Variants in NUBPL observed in about 807,000 individuals in gnomAD.
The protein encoded by NUBPL is NUBP iron-sulfur cluster assembly factor, mitochondrial.
Under a neutral mutation model 45.7 loss-of-function variants are expected in NUBPL, and 31 were observed. That is an observed-to-expected ratio of 0.68 (90% CI 0.51 to 0.92). The LOEUF is 0.92. Among genes scored for constraint, NUBPL ranks in the 40% least tolerant of loss-of-function variants. The pLI, the probability that NUBPL is intolerant of heterozygous loss-of-function variation, is 0.00. For missense variants in NUBPL, 401 were observed against 398.7 expected (o/e 1.01, Z -0.05); for synonymous variants, 144 against 140.9 (o/e 1.02, Z -0.15).
At chr14:31,703,697 C>T (rs1173709432) in intron 6 of NUBPL, among the ~76,000 whole-genome samples, 2 of 152,234 alleles carry the variant, frequency 1.3e-5, no homozygotes, top group African/African-American at 2.4e-5. Flanking sequence ...TTATCTCCCA[C>T]TGGGTCTCTC....
intron 6 of NUBPL, among the ~76,000 whole-genome samples, chr14:31,717,034 C>G (rs77752623): frequency 6.6e-6 from 1 of 152,190 alleles, no homozygotes; most frequent in Non-Finnish European, 1.5e-5. Flanking sequence ...ACTAATCTTA[C>G]TAAAATTCAG....
At chr14:31,604,417 A>G (rs2034528861) in intron 4 of NUBPL, among the ~76,000 whole-genome samples, 1 of 152,184 alleles carries the variant, frequency 6.6e-6, no homozygotes, top group Admixed American at 6.5e-5. Context: ...ACACAATACA[A>G]TACAAAATTA....
At chr14:31,813,856 A>G (rs111703675) in intron 7 of NUBPL, among the ~76,000 whole-genome samples, 11,620 of 152,236 alleles carry the variant, frequency 0.076, 494 homozygotes, top group Non-Finnish European at 0.092. Context: ...CCCTACAAAG[A>G]ACATGAACTC....
At chr14:31,831,506 A>T (rs1474577573) in intron 8 of NUBPL, among the ~76,000 whole-genome samples, 1 of 151,776 alleles carries the variant, frequency 6.6e-6, no homozygotes, top group African/African-American at 2.4e-5. Context: ...ACCATACCAT[A>T]CCATACCATA....
At chr14:31,565,584 T>C (rs1269461065) in intron 3 of NUBPL, among the ~76,000 whole-genome samples, 1 of 152,150 alleles carries the variant, frequency 6.6e-6, no homozygotes, top group Non-Finnish European at 1.5e-5. Context: ...CATCTTTCCA[T>C]GATGTGCCTC....
At chr14:31,605,196 A>G (rs996907468) in intron 4 of NUBPL, among the ~76,000 whole-genome samples, 9 of 152,358 alleles carry the variant, frequency 5.9e-5, no homozygotes, top group African/African-American at 2.2e-4. Context: ...AAATTATTGT[A>G]GGTTTTCAAT....
At chr14:31,698,540 T>C (rs1216882425) in intron 6 of NUBPL, among the ~76,000 whole-genome samples, 1 of 152,156 alleles carries the variant, frequency 6.6e-6, no homozygotes, top group Non-Finnish European at 1.5e-5. Flanking sequence ...TCAGAGACCA[T>C]CAGTGTCTCC....
At chr14:31,701,466 C>T (rs528867054) in intron 6 of NUBPL, among the ~76,000 whole-genome samples, 1 of 152,362 alleles carries the variant, frequency 6.6e-6, no homozygotes, top group South Asian at 2.1e-4. Flanking sequence ...GCAGCGGCAA[C>T]CCACTTGGGT....
At chr14:31,565,811 G>T (rs2033420816) in intron 3 of NUBPL, among the ~76,000 whole-genome samples, 1 of 151,668 alleles carries the variant, frequency 6.6e-6, no homozygotes, top group Non-Finnish European at 1.5e-5. Context: ...ACTTTAAATT[G>T]TACTCCTAAA....
intron 4 of NUBPL, among the ~76,000 whole-genome samples, chr14:31,650,698 A>G (rs896508730): frequency 6.6e-6 from 1 of 152,226 alleles, no homozygotes; most frequent in Non-Finnish European, 1.5e-5. Flanking sequence ...GCGGCTTTAA[A>G]TTATTAACAC....
At chr14:31,627,282 A>T (rs929481284) in intron 4 of NUBPL, among the ~76,000 whole-genome samples, 1 of 152,176 alleles carries the variant, frequency 6.6e-6, no homozygotes, top group African/African-American at 2.4e-5. Flanking sequence ...AGAAGTAATT[A>T]AAGTTCACAA....
intron 6 of NUBPL, among the ~76,000 whole-genome samples, chr14:31,764,148 A>C (rs1391435287): frequency 1.3e-5 from 2 of 152,190 alleles, no homozygotes; most frequent in Non-Finnish European, 2.9e-5. Context: ...TCTGGCCTGC[A>C]TTCTGTTATG....
chr14:31,813,460 C>T (rs1566577230), intron 7 of NUBPL, among the ~76,000 whole-genome samples: 1 of 151,370 alleles, frequency 6.6e-6, no homozygotes, highest in Non-Finnish European at 1.5e-5. Context: ...CACACACACA[C>T]ACACACATAC....
intron 4 of NUBPL, among the ~76,000 whole-genome samples, chr14:31,626,604 A>G (rs1450275283): frequency 6.6e-6 from 1 of 152,200 alleles, no homozygotes; most frequent in African/African-American, 2.4e-5. Flanking sequence ...AATATGTAAG[A>G]TGGTCCTAGA....
chr14:31,570,748 A>G (rs2033560231), intron 3 of NUBPL, among the ~76,000 whole-genome samples: 1 of 152,184 alleles, frequency 6.6e-6, no homozygotes, highest in South Asian at 2.1e-4. Context: ...TTATACCTCA[A>G]ACAATTATAG....
intron 4 of NUBPL, among the ~76,000 whole-genome samples, chr14:31,645,739 C>A (rs920163355): frequency 6.9e-6 from 1 of 145,542 alleles, no homozygotes. Flanking sequence ...ATAATAGAAA[C>A]AAATAAAGAA....
chr14:31,731,431 T>A (rs923082883), intron 6 of NUBPL, among the ~76,000 whole-genome samples: 4 of 152,240 alleles, frequency 2.6e-5, no homozygotes, highest in African/African-American at 9.6e-5. Context: ...GCATCACTTC[T>A]TAGTGGGCAC....
intron 7 of NUBPL, among the ~76,000 whole-genome samples, chr14:31,792,322 C>G (rs998957528): frequency 1.3e-5 from 2 of 152,162 alleles, no homozygotes; most frequent in African/African-American, 4.8e-5. Flanking sequence ...TTGGTGCTTA[C>G]TACATTCAGT....
At chr14:31,650,009 G>A (rs1293935436) in intron 4 of NUBPL, among the ~76,000 whole-genome samples, 2 of 151,850 alleles carry the variant, frequency 1.3e-5, no homozygotes, top group Non-Finnish European at 2.9e-5. Context: ...ACAGACATGT[G>A]CCACCATGCC....
Sources: gnomAD v4.1 joint callset for allele counts (sites outside exome capture counted in the v4.1 genomes callset) on GRCh38, gnomAD v4.1.1 for gene constraint, MANE v1.5 for transcripts, NCBI Gene and HGNC (gene_info 2026-07-23, HGNC 2026-07-21) for gene names.